Variants in TBC1D19 observed in about 807,000 individuals in gnomAD.
TBC1D19 encodes TBC1 domain family, member 19.
TBC1D19 carries 60 observed loss-of-function variants against 89.0 expected under a neutral mutation model. The ratio of observed to expected loss-of-function variants is 0.67; its 90% CI spans 0.55 to 0.84. TBC1D19 has a LOEUF of 0.84. Among genes scored for constraint, TBC1D19 ranks in the 40% least tolerant of loss-of-function variants. The pLI is 0.00. For missense variants in TBC1D19, 500 were observed against 610.8 expected (o/e 0.82, Z 1.91); for synonymous variants, 189 against 199.7 (o/e 0.95, Z 0.45).
chr4:26,597,481 C>T (rs1166981254), intron 1 of TBC1D19, among the ~76,000 whole-genome samples: 5 of 149,400 alleles, frequency 3.3e-5, no homozygotes, highest in South Asian at 2.1e-4. Context: ...CTTGTAAAGA[C>T]GTCATATAGT....
intron 7 of TBC1D19, among the ~76,000 whole-genome samples, chr4:26,657,050 CTTCTTG>C (rs1560451776): frequency 3.2e-5 from 2 of 61,604 alleles, no homozygotes; most frequent in South Asian, 7.8e-4. Context: ...TCTTCTTCCT[CTTCTTG>C]TTCTTCTTCT....
chr4:26,839,146 T>A, the TBC1D19 span, among the ~76,000 whole-genome samples: 1 of 152,216 alleles, frequency 6.6e-6, no homozygotes, highest in Non-Finnish European at 1.5e-5. Context: ...GTTTTCAGAA[T>A]AGCTCCTAAA....
chr4:26,587,826 A>T (rs1739510920), intron 1 of TBC1D19, among the ~76,000 whole-genome samples: 1 of 151,828 alleles, frequency 6.6e-6, no homozygotes, highest in South Asian at 2.1e-4. Context: ...TTAAAAATAT[A>T]TGCAGGCCAT....
the TBC1D19 span, among the ~76,000 whole-genome samples, chr4:26,762,458 A>G: frequency 1.3e-4 from 20 of 152,286 alleles, no homozygotes; most frequent in African/African-American, 4.6e-4. Flanking sequence ...TGGACCTTCA[A>G]TGTATACAGG....
At chr4:26,579,491 C>T (rs1415123070), upstream of TBC1D19, among the ~76,000 whole-genome samples, 2 of 151,182 alleles carry the variant, frequency 1.3e-5, no homozygotes, top group African/African-American at 4.9e-5. Context: ...TTCTTTCCTG[C>T]CTTTTTTTTT....
intron 8 of TBC1D19, among the ~76,000 whole-genome samples, chr4:26,663,346 A>C (rs572831756): frequency 3.3e-5 from 5 of 152,342 alleles, no homozygotes; most frequent in African/African-American, 1.2e-4. Context: ...ATTAATGATG[A>C]CTGAAGGACG....
chr4:26,669,179 C>A (rs565257405), intron 9 of TBC1D19, among the ~76,000 whole-genome samples: 16 of 151,824 alleles, frequency 1.1e-4, no homozygotes, highest in African/African-American at 3.9e-4. Context: ...ACTAAATAGA[C>A]ATTTTCTTTC....
intron 7 of TBC1D19, among the ~76,000 whole-genome samples, chr4:26,652,258 C>A (rs1223714661): frequency 6.6e-6 from 1 of 152,102 alleles, no homozygotes; most frequent in African/African-American, 2.4e-5. Context: ...CCCTCTTTTT[C>A]TAATGATTGG....
At chr4:26,799,191 T>G in the TBC1D19 span, among the ~76,000 whole-genome samples, 1 of 151,846 alleles carries the variant, frequency 6.6e-6, no homozygotes, top group Admixed American at 6.6e-5. Flanking sequence ...AAAAATAAAA[T>G]AAAATTAACT....
chr4:26,802,208 A>C, the TBC1D19 span, among the ~76,000 whole-genome samples: 1 of 152,222 alleles, frequency 6.6e-6, no homozygotes, highest in Non-Finnish European at 1.5e-5. Flanking sequence ...AGTGAGTATC[A>C]TCTACATGGG....
chr4:26,834,940 G>T, the TBC1D19 span, among the ~76,000 whole-genome samples: 1 of 152,154 alleles, frequency 6.6e-6, no homozygotes, highest in Non-Finnish European at 1.5e-5. Flanking sequence ...TATTCACAAA[G>T]CTCTATGTGT....
chr4:26,679,462 T>C (rs759476313), intron 11 of TBC1D19, among the ~76,000 whole-genome samples: 2 of 152,044 alleles, frequency 1.3e-5, no homozygotes, highest in Non-Finnish European at 2.9e-5. Context: ...AAAGGATATA[T>C]GAAAATGCCT....
the TBC1D19 span, among the ~76,000 whole-genome samples, chr4:26,817,979 A>ATAT: frequency 4.5e-3 from 480 of 107,306 alleles, 4 homozygotes; most frequent in African/African-American, 0.019. Flanking sequence ...AAAAAAAAAA[A>ATAT]AAATATATAT....
chr4:26,694,084 C>T (rs970755314), intron 13 of TBC1D19, among the ~76,000 whole-genome samples: 8 of 152,134 alleles, frequency 5.3e-5, no homozygotes, highest in East Asian at 3.9e-4. Context: ...GAGTGTGAGC[C>T]GAAGCAGGGT....
At chr4:26,838,467 G>T in the TBC1D19 span, among the ~76,000 whole-genome samples, 3 of 152,174 alleles carry the variant, frequency 2.0e-5, no homozygotes, top group Admixed American at 2.0e-4. Context: ...GGGAATAAAA[G>T]AATTATACAA....
the TBC1D19 span, among the ~76,000 whole-genome samples, chr4:26,798,949 G>A: frequency 1.3e-5 from 2 of 151,854 alleles, no homozygotes; most frequent in Non-Finnish European, 2.9e-5. Flanking sequence ...TTTAGGTAAG[G>A]GATACACTAG....
At chr4:26,751,604 A>G (rs901836842) in intron 19 of TBC1D19, among the ~76,000 whole-genome samples, 4 of 152,224 alleles carry the variant, frequency 2.6e-5, no homozygotes, top group South Asian at 4.1e-4. Context: ...CTACTGTTAC[A>G]TATTCACTAA....
At chr4:26,841,811 G>A in the TBC1D19 span, among the ~76,000 whole-genome samples, 3 of 152,200 alleles carry the variant, frequency 2.0e-5, no homozygotes, top group South Asian at 6.2e-4. Context: ...CACCATCCGG[G>A]GTCAAGCCAT....
At chr4:26,741,362 C>CAAA (rs34342483) in intron 17 of TBC1D19, among the ~76,000 whole-genome samples, 3 of 73,644 alleles carry the variant, frequency 4.1e-5, no homozygotes, top group African/African-American at 5.2e-5. Flanking sequence ...GACTCTGTCT[C>CAAA]AAAAAAAAAA....
Sources: gnomAD v4.1 joint callset for allele counts (sites outside exome capture counted in the v4.1 genomes callset) on GRCh38, gnomAD v4.1.1 for gene constraint, MANE v1.5 for transcripts, NCBI Gene and HGNC (gene_info 2026-07-23, HGNC 2026-07-21) for gene names.